Variants in TOPAZ1 observed in about 807,000 individuals in gnomAD.
TOPAZ1 encodes protein TOPAZ1.
A neutral mutation model predicts 172.2 loss-of-function variants in TOPAZ1; 66 were observed. That is an observed-to-expected ratio of 0.38 (90% CI 0.31 to 0.47). TOPAZ1 has a LOEUF of 0.47. Among genes scored for constraint, TOPAZ1 ranks in the 20% least tolerant of loss-of-function variants. The pLI is 0.99. For synonymous variants in TOPAZ1, 681 were observed against 683.9 expected (o/e 1.00, Z 0.07); for missense variants, 1,822 against 1,972.4 (o/e 0.92, Z 1.44).
At chr3:44,320,318 T>C (rs4682968) in intron 16 of TOPAZ1, among the ~76,000 whole-genome samples, 128,429 of 152,230 alleles carry the variant, frequency 0.84, 54,222 homozygotes, top group Middle Eastern at 0.92. Flanking sequence ...TATTCGCTGG[T>C]CGGGCGCAGT....
At chr3:44,245,395 A>T in intron 2 of TOPAZ1, 124 bp downstream of exon 2, 2 of 995,626 alleles carry the variant, frequency 2.0e-6, no homozygotes, top group South Asian at 2.2e-5. Context: ...ATTATTTATT[A>T]AATGTTATAT....
At chr3:44,304,781 A>C (rs894753647) in intron 13 of TOPAZ1, among the ~76,000 whole-genome samples, 2 of 152,268 alleles carry the variant, frequency 1.3e-5, no homozygotes, top group Admixed American at 1.3e-4. Flanking sequence ...AAGTAGTAAA[A>C]TAATGCATTG....
rs763271866 is a variant in TOPAZ1 at position 44,241,918 on chromosome 3, G to A, written c.-136G>A. On this transcript the variant is annotated 5_prime_UTR_variant, in exon 1 of 20. Coordinates refer to ENST00000309765, the MANE Select transcript of TOPAZ1 (RefSeq NM_001145030.2). ...CTTACGCGCCCCACTTCCGCTTCCG[G>A]CCCCGGGCTGTGGTGACTGGCGGTG... is the stretch of plus-strand genomic sequence containing the variant. The A allele has an allele frequency of 7.9e-5, 68 of 859,122 alleles. No homozygotes were observed. Among genetic ancestry groups the A allele is most frequent in the Non-Finnish European group, 1.1e-4 (65 of 580,868 alleles). 53.2% of individuals were successfully genotyped at this position (859,122 alleles called of 1,614,324 possible).
At chr3:44,330,777 A>T (rs1269976656) in intron 19 of TOPAZ1, among the ~76,000 whole-genome samples, 2 of 152,212 alleles carry the variant, frequency 1.3e-5, no homozygotes, top group African/African-American at 4.8e-5. Flanking sequence ...CCTCTATTTT[A>T]AATAGTTCCC....
chr3:44,286,021 C>T (rs1241465073), intron 9 of TOPAZ1, among the ~76,000 whole-genome samples: 12 of 150,390 alleles, frequency 8.0e-5, no homozygotes, highest in African/African-American at 2.9e-4. Flanking sequence ...CCAGCCTGGC[C>T]CACATGGTGA....
At chr3:44,291,294 C>T (rs1700134605) in intron 12 of TOPAZ1, among the ~76,000 whole-genome samples, 1 of 149,348 alleles carries the variant, frequency 6.7e-6, no homozygotes, top group East Asian at 1.9e-4. Flanking sequence ...AGCTTGTGGG[C>T]CTCCAAAGAC....
At chr3:44,288,085 T>G (rs908062208) in intron 11 of TOPAZ1, among the ~76,000 whole-genome samples, 1 of 152,150 alleles carries the variant, frequency 6.6e-6, no homozygotes, top group Non-Finnish European at 1.5e-5. Context: ...ATTGTCTTCG[T>G]CTCTACTCCG....
At chr3:44,259,889 T>TACACA (rs1313156311) in intron 4 of TOPAZ1, among the ~76,000 whole-genome samples, 1 of 152,230 alleles carries the variant, frequency 6.6e-6, no homozygotes, top group East Asian at 1.9e-4. Flanking sequence ...TGATATGGTT[T>TACACA]GGCCGTGGTC....
At chr3:44,270,077 A>C (rs1287168053) in intron 7 of TOPAZ1, among the ~76,000 whole-genome samples, 1 of 152,238 alleles carries the variant, frequency 6.6e-6, no homozygotes, top group African/African-American at 2.4e-5. Context: ...CAGAAAAAAC[A>C]GGCTGAATAC....
At chr3:44,254,035 G>C (rs1699665872) in intron 2 of TOPAZ1, among the ~76,000 whole-genome samples, 1 of 152,212 alleles carries the variant, frequency 6.6e-6, no homozygotes, top group Non-Finnish European at 1.5e-5. Context: ...GTTTTCATCT[G>C]TTGGGCCTAT....
downstream of TOPAZ1, among the ~76,000 whole-genome samples, chr3:44,334,493 A>G (rs1575223932): frequency 1.3e-5 from 2 of 152,288 alleles, no homozygotes; most frequent in South Asian, 4.1e-4. Flanking sequence ...GAGGCCCCAT[A>G]TATGTGGAAG....
chr3:44,281,461 G>A (rs1700023031), intron 8 of TOPAZ1, among the ~76,000 whole-genome samples: 1 of 152,140 alleles, frequency 6.6e-6, no homozygotes, highest in African/African-American at 2.4e-5. Flanking sequence ...TCCTGTTGAA[G>A]ATCTTTGCCA....
At chr3:44,270,324 A>G (rs1029231011) in intron 7 of TOPAZ1, among the ~76,000 whole-genome samples, 2 of 152,300 alleles carry the variant, frequency 1.3e-5, no homozygotes, top group South Asian at 4.1e-4. Context: ...TTAAATATGT[A>G]AAGTATGTGG....
chr3:44,299,028 T>G (rs1700238480), intron 12 of TOPAZ1, among the ~76,000 whole-genome samples: 1 of 146,312 alleles, frequency 6.8e-6, no homozygotes. Flanking sequence ...GTTCAAGTGA[T>G]TCTCCTGCCT....
Position 44,306,562 on chromosome 3 carries a change from T to C in TOPAZ1, c.4140+136T>C, listed in dbSNP as rs1700338876. 19 of 513,574 alleles carry C rather than the reference T, an allele frequency of 3.7e-5. 1 individual carries two copies. In the South Asian group the frequency reaches 6.7e-4, roughly 18 times the overall value. 31.8% of individuals were successfully genotyped at this position (513,574 alleles called of 1,614,324 possible). A position where few individuals can be genotyped will look rare whatever the true frequency, so the allele number is the denominator to read the frequency against. ...ATTGATAAAGTGGGACCCAGACTAG[T>C]GAGTGATTTATTAGATGGTATATTA... On this transcript the variant is annotated intron_variant, in intron 15 of 19. Coordinates refer to ENST00000309765, the MANE Select transcript of TOPAZ1 (RefSeq NM_001145030.2).
rs139833467 is a variant in TOPAZ1 at position 44,261,196 on chromosome 3, A to G, written c.2956-1223A>G. Reference sequence around the variant, plus strand: ...AACTCTAGTATTCTCATCCAGGAACATGGTAGGTCCTCGGTTTGTTATGTT... The same window carrying G: ...AACTCTAGTATTCTCATCCAGGAACGTGGTAGGTCCTCGGTTTGTTATGTT... On this transcript the variant is annotated intron_variant, in intron 4 of 19. Transcript: ENST00000309765. Among the ~76,000 whole-genome samples, 312 of 152,174 alleles carry G rather than the reference A, an allele frequency of 2.1e-3. 1 individual carries two copies. The highest frequency in any genetic ancestry group is 6.4e-3 in the African/African-American group (265 of 41,536).
intron 5 of TOPAZ1, among the ~76,000 whole-genome samples, chr3:44,262,758 T>C (rs1699788932): frequency 6.6e-6 from 1 of 152,216 alleles, no homozygotes; most frequent in African/African-American, 2.4e-5. Flanking sequence ...TGTTTGACTT[T>C]TATGAAGATA....
At chr3:44,291,140 C>T (rs541273280) in intron 12 of TOPAZ1, among the ~76,000 whole-genome samples, 2 of 152,216 alleles carry the variant, frequency 1.3e-5, no homozygotes, top group South Asian at 2.1e-4. Context: ...TGTCTTTTAT[C>T]TTCTGTTTCA....
chr3:44,275,591 A>G (rs1212014882), intron 8 of TOPAZ1, among the ~76,000 whole-genome samples: 1 of 151,958 alleles, frequency 6.6e-6, no homozygotes, highest in African/African-American at 2.4e-5. Flanking sequence ...TTCTTTATTC[A>G]TTGATCTATT....
Sources: gnomAD v4.1 joint callset for allele counts (sites outside exome capture counted in the v4.1 genomes callset) on GRCh38, gnomAD v4.1.1 for gene constraint, MANE v1.5 for transcripts, NCBI Gene and HGNC (gene_info 2026-07-23, HGNC 2026-07-21) for gene names.